The following GADL1 variants were observed in gnomAD, a reference collection of about 807,000 sequenced individuals.
The protein encoded by GADL1 is acidic amino acid decarboxylase GADL1.
Under a neutral mutation model 69.5 loss-of-function variants are expected in GADL1, and 71 were observed. The ratio of observed to expected loss-of-function variants is 1.02; its 90% CI spans 0.84 to 1.25. GADL1 has a LOEUF of 1.25. Among genes scored for constraint, GADL1 ranks in the 50% most tolerant of loss-of-function variants. The pLI is 0.00. For synonymous variants in GADL1, 254 were observed against 214.4 expected, an observed-to-expected ratio of 1.18 and a Z score of -1.62; for missense variants, 737 against 631.8, an observed-to-expected ratio of 1.17 and a Z score of -1.79.
At chr3:30,848,501 ACT>A (rs1227544333) in intron 6 of GADL1, among the ~76,000 whole-genome samples, 1 of 152,060 alleles carries the variant, frequency 6.6e-6, no homozygotes. Flanking sequence ...GAAATAACAG[ACT>A]CTCAGTTTTT....
At position 30,878,353 on chromosome 3, in the gene GADL1, C is replaced by T. The variant is rs528385509; in HGVS notation, c.37+16225G>A. Among the ~76,000 whole-genome samples, 4 of 152,002 alleles carry T rather than the reference C, an allele frequency of 2.6e-5. No homozygotes were observed. In the East Asian group the frequency reaches 7.8e-4, roughly 30 times the overall value. ...ATAAATTTCTAAAATCGTCCAGGACCTTCATGGAAGTAGCTCAGGGAAGGA... is the reference window on the plus strand; with the variant it reads ...ATAAATTTCTAAAATCGTCCAGGACTTTCATGGAAGTAGCTCAGGGAAGGA... On this transcript the variant is annotated intron_variant, in intron 1 of 14. Coordinates refer to ENST00000282538, the MANE Select transcript of GADL1 (RefSeq NM_207359.3).
chr3:30,893,919 C>T (rs1698818187), intron 1 of GADL1, among the ~76,000 whole-genome samples: 1 of 152,112 alleles, frequency 6.6e-6, no homozygotes, highest in African/African-American at 2.4e-5. Context: ...GAGGATCACT[C>T]CTAAAACGCC....
intron 4 of GADL1, among the ~76,000 whole-genome samples, chr3:30,851,997 A>G (rs771693360): frequency 1.1e-4 from 17 of 152,238 alleles, no homozygotes; most frequent in Non-Finnish European, 2.1e-4. Context: ...CTCCTTTTCA[A>G]TTGAGGGATT....
chr3:30,833,927 AG>A lies in GADL1; in HGVS notation c.975del (p.Ser326LeufsTer10). 6.2e-7 allele frequency: 1 copy of A among 1,611,880 alleles called. No homozygotes were observed. Among genetic ancestry groups the A allele is most frequent in the Non-Finnish European group, 8.5e-7 (1 of 1,178,408 alleles). On this transcript the variant is annotated frameshift_variant, in exon 11 of 15. Coordinates refer to ENST00000282538, the MANE Select transcript of GADL1 (RefSeq NM_207359.3). LOFTEE classifies it high-confidence loss of function. ...ATCTTGTGTGGGTTCCAGGCCACAG[AG>A]TCAGCCCTATTGTTTAAACAAAGGG... Reference protein sequence around the residue: ...RKLLHGIHRADSVAWNPHKML... With the variant: ...RKLLHGIHRAXSVAWNPHKML...
intron 14 of GADL1, among the ~76,000 whole-genome samples, chr3:30,765,711 C>CT (rs1479099221): frequency 2.0e-5 from 3 of 152,280 alleles, no homozygotes; most frequent in African/African-American, 4.8e-5. Context: ...ACTAGCCAGG[C>CT]TTGGAAGGGT....
chr3:30,852,775 C>T (rs1022853291), intron 4 of GADL1, among the ~76,000 whole-genome samples: 3 of 152,040 alleles, frequency 2.0e-5, no homozygotes, highest in Non-Finnish European at 2.9e-5. Flanking sequence ...GATGGTTTAG[C>T]TTAGCAGCAA....
intron 14 of GADL1, among the ~76,000 whole-genome samples, chr3:30,764,860 A>G (rs1051995034): frequency 1.4e-4 from 22 of 152,180 alleles, no homozygotes; most frequent in African/African-American, 4.3e-4. Flanking sequence ...CTGCTGTGGC[A>G]CTGCCAACAT....
chr3:30,787,595 A>G (rs1043172514), intron 12 of GADL1, among the ~76,000 whole-genome samples: 22 of 152,058 alleles, frequency 1.4e-4, no homozygotes, highest in African/African-American at 3.6e-4. Context: ...ATATAATAGC[A>G]AAAAATCACA....
intron 2 of GADL1, among the ~76,000 whole-genome samples, 199 bp downstream of exon 2, chr3:30,861,394 A>G (rs1447857725): frequency 6.6e-6 from 1 of 151,804 alleles, no homozygotes; most frequent in East Asian, 1.9e-4. Flanking sequence ...TGACTGGCAG[A>G]GTAAGGAGGC....
At chr3:30,785,820 TTAAA>T (rs59715444) in intron 13 of GADL1, among the ~76,000 whole-genome samples, 13,467 of 140,054 alleles carry the variant, frequency 0.096, 1,652 homozygotes, top group African/African-American at 0.33. Context: ...GAATTACACA[TTAAA>T]TATTTATATT....
intron 12 of GADL1, chr3:30,799,159 G>T (rs1325451175): frequency 6.6e-6 from 1 of 152,334 alleles, no homozygotes; most frequent in African/African-American, 2.4e-5. Flanking sequence ...CTGTGTGGGG[G>T]CTCTGACCCC....
rs558937164 is a variant in GADL1, at chr3:30,783,420, T to C, written c.1302+2935A>G. 2.7e-4 allele frequency among the ~76,000 whole-genome samples: 40 copies of C among 150,694 alleles called. 1 individual carries two copies. The highest frequency in any genetic ancestry group is 8.9e-4 in the African/African-American group (37 of 41,450). ...TTCTTGAAGATGATTGAAAGTTATT[T>C]TTATTCTTTCCAGGAAAAAATACTC... On this transcript the variant is annotated intron_variant, in intron 13 of 14. Transcript: ENST00000282538.
At chr3:30,733,217 G>T (rs1167069921) in intron 14 of GADL1, among the ~76,000 whole-genome samples, 1 of 152,064 alleles carries the variant, frequency 6.6e-6, no homozygotes, top group Non-Finnish European at 1.5e-5. Flanking sequence ...CAATAGTAAA[G>T]CTAATCTGTT....
At chr3:30,779,968 T>C (rs1487135498) in intron 13 of GADL1, among the ~76,000 whole-genome samples, 1 of 152,142 alleles carries the variant, frequency 6.6e-6, no homozygotes. Context: ...TGTGGTTCAT[T>C]TCAGCAGTAC....
Position 30,793,185 on chromosome 3 carries a change from T to C in GADL1, c.1251-6779A>G, listed in dbSNP as rs116060156. Among the ~76,000 whole-genome samples, 553 of 152,306 alleles carry C rather than the reference T, an allele frequency of 3.6e-3. 2 individuals carry two copies. The highest frequency in any genetic ancestry group is 0.012 in the African/African-American group (503 of 41,572). On this transcript the variant is annotated intron_variant, in intron 12 of 14. Coordinates refer to ENST00000282538, the MANE Select transcript of GADL1 (RefSeq NM_207359.3). ...TCTTGGAAGTCTACTGGCCACAGCA[T>C]ACTTTCACAAATGCTGGTTTATAAG... is the stretch of plus-strand genomic sequence containing the variant.
intron 11 of GADL1, among the ~76,000 whole-genome samples, chr3:30,823,867 C>T (rs748744253): frequency 9.9e-5 from 15 of 151,728 alleles, no homozygotes; most frequent in Non-Finnish European, 2.2e-4. Context: ...AGATGGCTTT[C>T]GCAGCAGATT....
intron 14 of GADL1, among the ~76,000 whole-genome samples, chr3:30,755,359 A>AG (rs931167501): frequency 8.2e-6 from 1 of 122,108 alleles, no homozygotes; most frequent in African/African-American, 3.4e-5. Context: ...TCTTGGAAGA[A>AG]GATACTATTA....
At chr3:30,767,790 ATAT>A (rs1194907425) in intron 14 of GADL1, among the ~76,000 whole-genome samples, 3 of 152,322 alleles carry the variant, frequency 2.0e-5, no homozygotes, top group East Asian at 1.9e-4. Flanking sequence ...AATACAAAGG[ATAT>A]TATTACTGAA....
At chr3:30,773,658 TTA>T (rs2125493697) in intron 14 of GADL1, among the ~76,000 whole-genome samples, 2 of 152,296 alleles carry the variant, frequency 1.3e-5, no homozygotes, top group South Asian at 2.1e-4. Flanking sequence ...ACAAATTTGT[TTA>T]TAAGTTATGT....
Sources: gnomAD v4.1 joint callset for allele counts (sites outside exome capture counted in the v4.1 genomes callset) on GRCh38, gnomAD v4.1.1 for gene constraint, MANE v1.5 for transcripts, NCBI Gene and HGNC (gene_info 2026-07-23, HGNC 2026-07-21) for gene names.